Variants in DNAAF5 observed in about 807,000 individuals in gnomAD.
DNAAF5 encodes the protein dynein axonemal assembly factor 5.
DNAAF5 carries 64 observed loss-of-function variants against 75.8 expected under a neutral mutation model. That is an observed-to-expected ratio of 0.84 (90% confidence interval 0.69 to 1.04). The LOEUF is 1.04. DNAAF5 is among the 50% of genes least tolerant of loss of function. The pLI, the probability that DNAAF5 is intolerant of heterozygous loss-of-function variation, is 0.00. For missense variants in DNAAF5, 1,269 were observed against 1,178.5 expected (o/e 1.08, Z -1.12); for synonymous variants, 657 against 557.2 (o/e 1.18, Z -2.52).
At chr7:781,822 C>A (rs1204759073) in intron 12 of DNAAF5, among the ~76,000 whole-genome samples, 2 of 152,192 alleles carry the variant, frequency 1.3e-5, no homozygotes, top group Non-Finnish European at 2.9e-5. Flanking sequence ...GGTCTTTTAC[C>A]CATTTTTAAT....
intron 2 of DNAAF5, among the ~76,000 whole-genome samples, chr7:735,425 C>T (rs749028911): frequency 6.8e-5 from 10 of 147,176 alleles, no homozygotes; most frequent in Non-Finnish European, 9.0e-5. Context: ...CTGCTTACAA[C>T]GTCGCTGCTC....
rs1199079080 is a variant in DNAAF5 at position 761,869 on chromosome 7, C to A, written c.1587C>A (p.Leu529=). 1.3e-6 allele frequency: 2 copies of A among 1,584,476 alleles called. No homozygotes were observed. The highest frequency in any genetic ancestry group is 1.8e-4 in the Middle Eastern group (1 of 5,594). Residue 529 remains leucine, a synonymous_variant, in exon 7 of 13, where the codon CTC becomes CTA. Coordinates refer to ENST00000297440, the MANE Select transcript of DNAAF5 (RefSeq NM_017802.4). ...LLDVLLTIVA[L]AGATGLRDKA... Reference sequence around the variant, plus strand: ...ACGTGCTGCTGACAATAGTGGCCCTCGCAGGTGCTACCGGCCTGAGGGACA... The same window carrying A: ...ACGTGCTGCTGACAATAGTGGCCCTAGCAGGTGCTACCGGCCTGAGGGACA...
intron 2 of DNAAF5, among the ~76,000 whole-genome samples, chr7:735,278 T>A (rs889783792): frequency 6.6e-6 from 1 of 151,240 alleles, no homozygotes; most frequent in Non-Finnish European, 1.5e-5. Flanking sequence ...GTGTAGCTGC[T>A]CACAGTGTCG....
In DNAAF5 at chr7:727,345, C is replaced by A. The variant is rs116986757; in HGVS notation, c.595+30C>A. 0.2 allele frequency: 233,596 copies of A among 1,168,224 alleles called. 25,322 individuals are homozygous for A. The highest frequency in any genetic ancestry group is 0.25 in the Middle Eastern group (729 of 2,950). 72.4% of individuals were successfully genotyped at this position (1,168,224 alleles called of 1,614,324 possible). A position where few individuals can be genotyped will look rare whatever the true frequency, so the allele number is the denominator to read the frequency against. The stretch of plus-strand genomic sequence containing the variant: ...GCACCCCGGGCCCCGCTCCCACACG[C>A]CACCCCACACTCTCACCCCCACCTC... On this transcript the variant is annotated intron_variant, in intron 1 of 12. Coordinates refer to ENST00000297440, the MANE Select transcript of DNAAF5 (RefSeq NM_017802.4).
chr7:777,475 G>A (rs1293535783), intron 11 of DNAAF5, among the ~76,000 whole-genome samples: 1 of 151,542 alleles, frequency 6.6e-6, no homozygotes, highest in Non-Finnish European at 1.5e-5. Flanking sequence ...AAGAACAGAT[G>A]GAAACGGAAG....
In DNAAF5 at chr7:754,999, G is replaced by A. The variant is rs1005636161; in HGVS notation, c.1257+178G>A. On this transcript the variant is annotated intron_variant, in intron 5 of 12. Transcript: ENST00000297440. This position sits in a 1 kb window ranked among gnomAD's most constrained non-coding sequence, Gnocchi z 4.8. Reference sequence around the variant, plus strand: ...AACAACTGATCTCCTTTCTGTGCCCGTAGGTAACAGCGTGTTGAGGGTGAA... The same window carrying A: ...AACAACTGATCTCCTTTCTGTGCCCATAGGTAACAGCGTGTTGAGGGTGAA... Among the ~76,000 whole-genome samples, 6 of 152,204 alleles carry A rather than the reference G, an allele frequency of 3.9e-5. No individual in the cohort carries two copies. The highest frequency in any genetic ancestry group is 9.6e-5 in the African/African-American group (4 of 41,456).
chr7:761,695 C>T (rs1420065090), intron 6 of DNAAF5, 58 bp from the exon 7 acceptor site: 11 of 1,523,550 alleles, frequency 7.2e-6, no homozygotes, highest in Admixed American at 4.0e-5. Flanking sequence ...AGATGGGATT[C>T]GGGTGGGGAC....
intron 9 of DNAAF5, chr7:772,781 G>T (rs1208696241): frequency 6.6e-6 from 1 of 152,262 alleles, no homozygotes; most frequent in Non-Finnish European, 1.5e-5. Flanking sequence ...CTGGGAGGCA[G>T]AGGTTGCAGT....
At chr7:766,924 G>C (rs1778320130) in intron 8 of DNAAF5, among the ~76,000 whole-genome samples, 1 of 152,178 alleles carries the variant, frequency 6.6e-6, no homozygotes, top group African/African-American at 2.4e-5. Flanking sequence ...CCCTTCTAGT[G>C]ATGAGGAAAT....
Position 775,083 on chromosome 7 carries a change from C to G in DNAAF5, c.2160C>G (p.Ile720Met), listed in dbSNP as rs777084727. 1 of 1,613,958 alleles carries G rather than the reference C, an allele frequency of 6.2e-7. No homozygotes were observed. Among genetic ancestry groups the G allele is most frequent in the Admixed American group, 1.7e-5 (1 of 59,998 alleles). Reference sequence around the variant, plus strand: ...AGGATTCGAAGATGACGCGACTGATCTCATGCCGTATTATCAACACGTTCT... The same window carrying G: ...AGGATTCGAAGATGACGCGACTGATGTCATGCCGTATTATCAACACGTTCT... Reference protein sequence around the residue: ...LEEDSKMTRLISCRIINTFLK... With the variant: ...LEEDSKMTRLMSCRIINTFLK... The change falls in exon 11 of 13, where the codon ATC (isoleucine) becomes ATG (methionine). Residue 720 changes from isoleucine to methionine, a missense_variant. Ile to Met is a conservative substitution (Grantham distance 10). Coordinates refer to ENST00000297440, the MANE Select transcript of DNAAF5 (RefSeq NM_017802.4).
intron 12 of DNAAF5, among the ~76,000 whole-genome samples, chr7:781,548 C>A (rs903011147): frequency 6.6e-6 from 1 of 150,574 alleles, no homozygotes; most frequent in African/African-American, 2.4e-5. Context: ...GTGGGATTGC[C>A]GGGCTGTATG....
Position 740,979 on chromosome 7 carries a change from A to G in DNAAF5, c.905+36A>G, listed in dbSNP as rs764807689. 3 of 1,606,064 alleles carry G rather than the reference A, an allele frequency of 1.9e-6. No homozygotes were observed. In the South Asian group the frequency reaches 3.3e-5, roughly 18 times the overall value. ...AGGCGGCCGCGGGCCTTGTCTTCCT[A>G]AACGGTCATGTGTAGCAGTGGTGGT... On this transcript the variant is annotated intron_variant, in intron 3 of 12. Coordinates refer to ENST00000297440, the MANE Select transcript of DNAAF5 (RefSeq NM_017802.4).
intron 2 of DNAAF5, among the ~76,000 whole-genome samples, chr7:739,988 C>A (rs964360641): frequency 4.6e-5 from 7 of 152,176 alleles, no homozygotes; most frequent in Admixed American, 1.3e-4. Context: ...GATGAGGCTC[C>A]TGCTCCCCAC....
intron 12 of DNAAF5, among the ~76,000 whole-genome samples, chr7:781,416 C>T (rs1323902846): frequency 6.6e-6 from 1 of 152,226 alleles, no homozygotes; most frequent in African/African-American, 2.4e-5. Flanking sequence ...CTTCTCCCTT[C>T]ATCTGTCCGT....
chr7:749,221 T>C (rs556663739), intron 4 of DNAAF5, among the ~76,000 whole-genome samples: 17 of 152,210 alleles, frequency 1.1e-4, no homozygotes, highest in Non-Finnish European at 2.2e-4. Context: ...GCCTGGTGTG[T>C]ATCTGACAAT....
chr7:770,727 C>A, intron 9 of DNAAF5, 109 bp downstream of exon 9: 1 of 1,054,720 alleles, frequency 9.5e-7, no homozygotes, highest in Non-Finnish European at 1.4e-6. Flanking sequence ...CCTCCTTCCC[C>A]AACACTGCAC....
intron 8 of DNAAF5, chr7:769,115 G>A (rs745707209): frequency 1.3e-6 from 1 of 758,984 alleles, no homozygotes; most frequent in Admixed American, 1.7e-5. Context: ...GCAGGTGCGG[G>A]GGTCTCAGTC....
At chr7:784,235 C>T (rs1368951363) in intron 12 of DNAAF5, among the ~76,000 whole-genome samples, 1 of 152,188 alleles carries the variant, frequency 6.6e-6, no homozygotes, top group Non-Finnish European at 1.5e-5. Flanking sequence ...TTTCCCTCGC[C>T]CATGTGGGCC....
At chr7:730,348 G>A (rs748164982) in intron 2 of DNAAF5, among the ~76,000 whole-genome samples, 4 of 152,156 alleles carry the variant, frequency 2.6e-5, no homozygotes, top group African/African-American at 9.7e-5. Context: ...GGCCTGGAGG[G>A]CATGTCTTGG....
Sources: gnomAD v4.1 joint callset for allele counts (sites outside exome capture counted in the v4.1 genomes callset) on GRCh38, gnomAD v4.1.1 for gene constraint, Gnocchi (gnomAD v3.1) non-coding constraint, MANE v1.5 for transcripts, NCBI Gene and HGNC (gene_info 2026-07-23, HGNC 2026-07-21) for gene names.